RHOBTB2: variants seen among roughly 807,000 people sequenced by gnomAD.
The protein encoded by RHOBTB2 is Rho related BTB domain containing 2, also known as rho-related BTB domain-containing protein 2.
A neutral mutation model predicts 66.5 loss-of-function variants in RHOBTB2; 39 were observed. That is an observed-to-expected ratio of 0.59 (90% CI 0.45 to 0.77). RHOBTB2 has a LOEUF of 0.77. RHOBTB2 is among the 30% of genes least tolerant of loss of function. The pLI, the probability that RHOBTB2 is intolerant of heterozygous loss-of-function variation, is 0.00. For missense variants in RHOBTB2, 755 were observed against 999.1 expected (o/e 0.76, Z 3.29); for synonymous variants, 390 against 395.0 (o/e 0.99, Z 0.15).
the RHOBTB2 span, among the ~76,000 whole-genome samples, chr8:22,961,016 A>C: frequency 0.4 from 60,111 of 152,032 alleles, 13,984 homozygotes; most frequent in African/African-American, 0.65. Context: ...ATTTGGCCTA[A>C]GAATGCTTCT....
chr8:23,001,442 A>G (rs142255815), intron 1 of RHOBTB2, among the ~76,000 whole-genome samples: 311 of 149,720 alleles, frequency 2.1e-3, no homozygotes, highest in Middle Eastern at 3.4e-3. Context: ...AAATTATATT[A>G]CTCTTGGCAC....
chr8:23,013,477 G>T (rs1563295530), intron 7 of RHOBTB2, among the ~76,000 whole-genome samples: 1 of 151,908 alleles, frequency 6.6e-6, no homozygotes, highest in South Asian at 2.1e-4. Flanking sequence ...CTACAGCATG[G>T]TTTTTTGCAT....
chr8:22,959,143 G>A, the RHOBTB2 span, among the ~76,000 whole-genome samples: 1 of 152,226 alleles, frequency 6.6e-6, no homozygotes, highest in African/African-American at 2.4e-5. Flanking sequence ...TTTGCCCTGT[G>A]TGTAGCCTGC....
At chr8:23,001,345 A>C (rs930056226) in intron 1 of RHOBTB2, among the ~76,000 whole-genome samples, 8 of 148,896 alleles carry the variant, frequency 5.4e-5, no homozygotes, top group Non-Finnish European at 1.0e-4. Flanking sequence ...GGCTCACTGA[A>C]TGGGCTGTAT....
chr8:23,006,281 G>A lies in RHOBTB2; in HGVS notation c.482+136G>A. The A allele has an allele frequency of 1.4e-6, 1 of 735,068 alleles. No individual in the cohort carries two copies. Among genetic ancestry groups the A allele is most frequent in the Admixed American group, 2.5e-5 (1 of 39,466 alleles). 45.5% of individuals were successfully genotyped at this position (735,068 alleles called of 1,614,324 possible). Reference sequence around the variant, plus strand: ...GCAAGCTTGCATTGGGAGTCAACAAGCATGCTCATTCATTCATTCATTCAT... The same window carrying A: ...GCAAGCTTGCATTGGGAGTCAACAAACATGCTCATTCATTCATTCATTCAT... On this transcript the variant is annotated intron_variant, in intron 4 of 9. Transcript: ENST00000251822. The surrounding 1 kb of genome is among the most constrained non-coding windows in gnomAD (Gnocchi z 6.1).
the RHOBTB2 span, among the ~76,000 whole-genome samples, chr8:22,973,797 G>A: frequency 6.6e-6 from 1 of 152,186 alleles, no homozygotes; most frequent in East Asian, 1.9e-4. Context: ...GTCTGCAGGA[G>A]GGGGTAGCAC....
chr8:23,019,161 C>T lies in RHOBTB2; in HGVS notation c.*1692C>T, dbSNP rs999588488. On this transcript the variant is annotated 3_prime_UTR_variant, in exon 10 of 10. Coordinates refer to ENST00000251822, the MANE Select transcript of RHOBTB2 (RefSeq NM_015178.3). ...GATGTTCTAGCTGAGAGGGCCTGGC[C>T]CTGGGGTGGGCTCCAGGAAAACGCT... 2.0e-5 allele frequency: 3 copies of T among 152,578 alleles called. No individual in the cohort carries two copies. The highest frequency in any genetic ancestry group is 7.2e-5 in the African/African-American group (3 of 41,554). 9.5% of individuals were successfully genotyped at this position (152,578 alleles called of 1,614,324 possible).
the RHOBTB2 span, among the ~76,000 whole-genome samples, chr8:22,971,561 A>G: frequency 6.6e-6 from 1 of 152,120 alleles, no homozygotes; most frequent in Admixed American, 6.6e-5. Context: ...CGACTTCCAC[A>G]GCTCCACTGG....
At position 23,017,218 on chromosome 8, in the gene RHOBTB2, C is replaced by T; in HGVS notation, c.1967-34C>T. 1 of 1,611,960 alleles carries T rather than the reference C, an allele frequency of 6.2e-7. No homozygotes were observed. The highest frequency in any genetic ancestry group is 8.5e-7 in the Non-Finnish European group (1 of 1,178,468). ...CCACGTTCCTCTTGTCCCTCTGCCTCCTTTCTAACCAAGCTGCCTGCTCTC... is the reference window on the plus strand; with the variant it reads ...CCACGTTCCTCTTGTCCCTCTGCCTTCTTTCTAACCAAGCTGCCTGCTCTC... On this transcript the variant is annotated intron_variant, in intron 9 of 9. Coordinates refer to ENST00000251822, the MANE Select transcript of RHOBTB2 (RefSeq NM_015178.3). The surrounding 1 kb of genome is among the most constrained non-coding windows in gnomAD (Gnocchi z 5.3).
upstream of RHOBTB2, among the ~76,000 whole-genome samples, chr8:22,985,822 C>T (rs959773891): frequency 6.6e-6 from 1 of 152,182 alleles, no homozygotes; most frequent in Non-Finnish European, 1.5e-5. Flanking sequence ...AGTCACTCTT[C>T]GGGCTGGAGT....
rs1810387566 is a variant in RHOBTB2 at position 22,990,066 on chromosome 8, G to A, written c.-136-2002G>A. 2.6e-5 allele frequency among the ~76,000 whole-genome samples: 4 copies of A among 152,292 alleles called. No homozygotes were observed. The South Asian group carries it at 8.3e-4, about 32-fold the overall frequency. On this transcript the variant is annotated intron_variant, in intron 1 of 11. Coordinates refer to the RHOBTB2 transcript ENST00000519685. Reference sequence around the variant, plus strand: ...ATAAACATTCAGTAAGTTATTATTAGTATTAGTATTATTAGACTTAAGCTC... The same window carrying A: ...ATAAACATTCAGTAAGTTATTATTAATATTAGTATTATTAGACTTAAGCTC...
At chr8:22,999,212 G>A (rs1387908901), upstream of RHOBTB2, 1 of 152,076 alleles carries the variant, frequency 6.6e-6, no homozygotes, top group Non-Finnish European at 1.5e-5. Flanking sequence ...TGGGGGCCTG[G>A]GCTTACAACC....
chr8:23,007,122 T>C lies in RHOBTB2; in HGVS notation c.877T>C (p.Tyr293His). ...CCTCTCCACCTCTTCCTCCAAGTTC[T>C]ATGACCTGTTCCTCATGGACCTGAG... ...IYLSTSSSKF[Y>H]DLFLMDLSEG... Residue 293 changes from tyrosine to histidine, a missense_variant, in exon 5 of 10, where the codon TAT becomes CAT. By Grantham distance (83) the Tyr-to-His change is moderately conservative. Transcript: ENST00000251822. The C allele has an allele frequency of 6.2e-7, 1 of 1,609,764 alleles. No homozygotes were observed. Among genetic ancestry groups the C allele is most frequent in the Non-Finnish European group, 8.5e-7 (1 of 1,179,866 alleles).
Position 22,999,858 on chromosome 8 carries a change from AG to A in RHOBTB2, c.-254del. 1.0e-6 allele frequency: 1 copy of A among 984,778 alleles called. No homozygotes were observed. Among genetic ancestry groups the A allele is most frequent in the Non-Finnish European group, 1.2e-6 (1 of 829,854 alleles). 61.0% of individuals were successfully genotyped at this position (984,778 alleles called of 1,614,324 possible). ...GCGCGCGGGGCGATGCTGATCCGGA[AG>A]GGGCAGCGGCTGCAGTGCAGCGCGC... On this transcript the variant is annotated 5_prime_UTR_variant, in exon 1 of 10. It removes the in-frame stop codon of an upstream open reading frame in the 5' UTR. Transcript: ENST00000251822.
chr8:23,014,392 G>A (rs912436901), intron 7 of RHOBTB2, among the ~76,000 whole-genome samples: 1 of 152,200 alleles, frequency 6.6e-6, no homozygotes, highest in Non-Finnish European at 1.5e-5. Context: ...TGGTTCTGTT[G>A]GGAACTTTGA....
intron 7 of RHOBTB2, among the ~76,000 whole-genome samples, chr8:23,012,586 A>C (rs1333918925): frequency 6.6e-6 from 1 of 152,208 alleles, no homozygotes; most frequent in Non-Finnish European, 1.5e-5. Context: ...ATAAAAGCAT[A>C]TTAAACATAT....
chr8:22,989,922 C>T (rs1440338496), intron 1 of RHOBTB2, among the ~76,000 whole-genome samples: 1 of 152,220 alleles, frequency 6.6e-6, no homozygotes, highest in Non-Finnish European at 1.5e-5. Flanking sequence ...AAGTCACATC[C>T]CCTCTCAGAG....
chr8:22,970,000 C>T, the RHOBTB2 span, among the ~76,000 whole-genome samples: 2 of 152,174 alleles, frequency 1.3e-5, no homozygotes, highest in Non-Finnish European at 2.9e-5. Flanking sequence ...GATCTGCCCA[C>T]GTCAGCCTAC....
chr8:22,988,931 C>T (rs1454558153), intron 1 of RHOBTB2, among the ~76,000 whole-genome samples: 1 of 152,142 alleles, frequency 6.6e-6, no homozygotes, highest in Non-Finnish European at 1.5e-5. Context: ...GCCCTCTTAC[C>T]TCACCATGTA....
Sources: gnomAD v4.1 joint callset for allele counts (sites outside exome capture counted in the v4.1 genomes callset) on GRCh38, gnomAD v4.1.1 for gene constraint, Gnocchi (gnomAD v3.1) non-coding constraint, MANE v1.5 for transcripts, NCBI Gene and HGNC (gene_info 2026-07-23, HGNC 2026-07-21) for gene names.